Variants in ROBO2 observed in about 807,000 individuals in gnomAD.
ROBO2 encodes the protein roundabout guidance receptor 2.
In ROBO2, 53 loss-of-function variants were observed where a neutral mutation model predicts 160.8. The observed-to-expected ratio is 0.33, with a 90% CI of 0.26 to 0.41. The LOEUF is 0.41. ROBO2 is among the 10% of genes least tolerant of loss of function. The pLI, the probability that ROBO2 is intolerant of heterozygous loss-of-function variation, is 1.00. For missense variants in ROBO2, 1,577 were observed against 1,722.4 expected (o/e 0.92, Z 1.49); for synonymous variants, 664 against 611.7 (o/e 1.09, Z -1.26).
intron 2 of ROBO2, among the ~76,000 whole-genome samples, chr3:76,448,843 G>T (rs763263221): frequency 6.6e-6 from 1 of 152,036 alleles, no homozygotes; most frequent in Non-Finnish European, 1.5e-5. Flanking sequence ...AAGTACCCAC[G>T]GTTGTGCTAG....
intron 2 of ROBO2, among the ~76,000 whole-genome samples, chr3:76,931,685 CT>C (rs943750100): frequency 6.6e-6 from 1 of 151,642 alleles, no homozygotes. Context: ...GTTATACAGA[CT>C]TTTTTTTAAA....
At chr3:76,281,902 G>C (rs190326710) in intron 2 of ROBO2, among the ~76,000 whole-genome samples, 2 of 152,026 alleles carry the variant, frequency 1.3e-5, no homozygotes, top group Non-Finnish European at 1.5e-5. Context: ...AGTGTTCTCT[G>C]GTCTACACCC....
chr3:77,004,925 A>G (rs529616226), intron 2 of ROBO2, among the ~76,000 whole-genome samples: 1 of 152,168 alleles, frequency 6.6e-6, no homozygotes, highest in Non-Finnish European at 1.5e-5. Flanking sequence ...AAATGTGGTC[A>G]TGGGTTCTTA....
At chr3:77,471,266 T>A (rs1220304923) in intron 2 of ROBO2, among the ~76,000 whole-genome samples, 1 of 152,176 alleles carries the variant, frequency 6.6e-6, no homozygotes, top group East Asian at 1.9e-4. Context: ...TAAGAACTAT[T>A]GATTTAAGAC....
intron 2 of ROBO2, among the ~76,000 whole-genome samples, chr3:76,970,821 C>G (rs2059536549): frequency 6.6e-6 from 1 of 152,042 alleles, no homozygotes; most frequent in Admixed American, 6.6e-5. Context: ...GTGTTAATTC[C>G]TTTATAATGA....
At chr3:77,533,610 G>C (rs572906518) in intron 6 of ROBO2, among the ~76,000 whole-genome samples, 1 of 152,050 alleles carries the variant, frequency 6.6e-6, no homozygotes, top group Non-Finnish European at 1.5e-5. Flanking sequence ...TTCAGCCTTC[G>C]CACATTGCTG....
intron 2 of ROBO2, among the ~76,000 whole-genome samples, chr3:77,318,810 A>G (rs2064345545): frequency 6.6e-6 from 1 of 152,174 alleles, no homozygotes; most frequent in African/African-American, 2.4e-5. Context: ...TCTCTACTAC[A>G]TACTATGATT....
rs188336869 is a variant in ROBO2 at position 77,089,883 on chromosome 3, A to G, written c.62-8131A>G. 2.2e-3 allele frequency among the ~76,000 whole-genome samples: 335 copies of G among 152,338 alleles called. 4 individuals carry two copies. Among genetic ancestry groups the G allele is most frequent in the Middle Eastern group, 6.8e-3 (2 of 294 alleles). ...CAAAGATGGAAAAGTTGTTATGGAC[A>G]GACTTGATGGATTGATGGCATGATT... On this transcript the variant is annotated intron_variant, in intron 1 of 25. Coordinates refer to ENST00000461745, the Ensembl canonical transcript of ROBO2.
At chr3:76,794,804 G>C (rs1158093415) in intron 2 of ROBO2, among the ~76,000 whole-genome samples, 1 of 151,858 alleles carries the variant, frequency 6.6e-6, no homozygotes, top group Non-Finnish European at 1.5e-5. Flanking sequence ...TTCTATTCTG[G>C]CTAATTAATC....
At chr3:76,910,725 C>CA (rs10662303) in intron 2 of ROBO2, among the ~76,000 whole-genome samples, 2,235 of 35,126 alleles carry the variant, frequency 0.064, 101 homozygotes, top group Non-Finnish European at 0.088. Flanking sequence ...AACTCTGTCT[C>CA]AAAAAAAAAA....
chr3:76,974,971 T>C (rs537770857), intron 2 of ROBO2, among the ~76,000 whole-genome samples: 1 of 152,062 alleles, frequency 6.6e-6, no homozygotes, highest in East Asian at 1.9e-4. Context: ...AAAAAAAAAT[T>C]CCATATGATA....
At chr3:76,033,541 T>G (rs1159406243) in intron 2 of ROBO2, among the ~76,000 whole-genome samples, 2 of 152,222 alleles carry the variant, frequency 1.3e-5, no homozygotes, top group African/African-American at 4.8e-5. Context: ...GCCACTGGAA[T>G]TTTACACTGA....
At chr3:76,698,867 G>A (rs1174488329) in intron 2 of ROBO2, among the ~76,000 whole-genome samples, 1 of 152,044 alleles carries the variant, frequency 6.6e-6, no homozygotes, top group Non-Finnish European at 1.5e-5. Flanking sequence ...TTTATATTTT[G>A]TACTTGTGAT....
At chr3:76,308,611 C>T (rs1458241229) in intron 2 of ROBO2, among the ~76,000 whole-genome samples, 2 of 152,104 alleles carry the variant, frequency 1.3e-5, no homozygotes, top group African/African-American at 4.8e-5. Flanking sequence ...TTCACTTTTC[C>T]TTCAGATTGT....
chr3:77,115,162 G>A (rs2074074484), intron 2 of ROBO2, among the ~76,000 whole-genome samples: 2 of 152,104 alleles, frequency 1.3e-5, no homozygotes, highest in South Asian at 2.1e-4. Flanking sequence ...TCTGTCAACT[G>A]TATGACTTGA....
intron 2 of ROBO2, among the ~76,000 whole-genome samples, chr3:77,360,384 G>T (rs2069780471): frequency 6.6e-6 from 1 of 152,028 alleles, no homozygotes; most frequent in African/African-American, 2.4e-5. Flanking sequence ...TTTTGTTTGA[G>T]ATGAAGGGTG....
At chr3:76,303,590 A>G (rs1442853614) in intron 2 of ROBO2, among the ~76,000 whole-genome samples, 1 of 125,826 alleles carries the variant, frequency 7.9e-6, no homozygotes, top group South Asian at 3.2e-4. Flanking sequence ...GAAACCACCA[A>G]TATTTTGAAC....
chr3:76,980,551 A>C (rs1375774890), intron 2 of ROBO2, among the ~76,000 whole-genome samples: 1 of 152,212 alleles, frequency 6.6e-6, no homozygotes, highest in Non-Finnish European at 1.5e-5. Flanking sequence ...ATTTGTTTTA[A>C]TACAAGTAAA....
At chr3:77,496,557 T>C (rs1396260956) in intron 5 of ROBO2, among the ~76,000 whole-genome samples, 2 of 152,192 alleles carry the variant, frequency 1.3e-5, no homozygotes, top group Non-Finnish European at 2.9e-5. Context: ...ATTGTTCTTG[T>C]ATAAGCAATT....
Sources: gnomAD v4.1 joint callset for allele counts (sites outside exome capture counted in the v4.1 genomes callset) on GRCh38, gnomAD v4.1.1 for gene constraint, MANE v1.5 for transcripts, NCBI Gene and HGNC (gene_info 2026-07-23, HGNC 2026-07-21) for gene names.